SCAMP5: variants seen among roughly 807,000 people sequenced by gnomAD.
SCAMP5 encodes secretory carrier membrane protein 5.
SCAMP5 carries 7 observed loss-of-function variants against 28.3 expected under a neutral mutation model. That is an observed-to-expected ratio of 0.25 (90% CI 0.14 to 0.46). The LOEUF (loss-of-function observed/expected upper bound fraction) is 0.46, where lower values mean the gene tolerates loss of function less well. Ranked by LOEUF, SCAMP5 falls within the 20% of genes least tolerant of loss-of-function variation. The probability of loss-of-function intolerance (pLI) is 0.99; values close to 1 mark genes in which losing one functional copy is unlikely to be tolerated. For synonymous variants in SCAMP5, 117 were observed against 116.4 expected (o/e 1.00, Z -0.03); for missense variants, 192 against 312.5 (o/e 0.61, Z 2.91).
Position 75,016,691 on chromosome 15 carries a change from A to G in SCAMP5, c.235A>G (p.Ile79Val). 1 of 1,613,798 alleles carries G rather than the reference A, an allele frequency of 6.2e-7. No homozygotes were observed. Among genetic ancestry groups the G allele is most frequent in the Non-Finnish European group, 8.5e-7 (1 of 1,179,858 alleles). ...CTTTGGCCTCGCCTTTCTCTGGCTC[A>G]TCCTCTTCACACCCTGCTCCTACGT... ...TNFGLAFLWLILFTPCSYVCW... is the reference protein window; with the variant it reads ...TNFGLAFLWLVLFTPCSYVCW... The change falls in exon 4 of 7, where the codon ATC (isoleucine) becomes GTC (valine). Residue 79 changes from isoleucine to valine, a missense_variant. Ile to Val is a conservative substitution (Grantham distance 29, BLOSUM62 3). Coordinates refer to ENST00000425597, the MANE Select transcript of SCAMP5 (RefSeq NM_138967.4).
chr15:75,016,366 C>T (rs2065859615), intron 3 of SCAMP5, among the ~76,000 whole-genome samples: 1 of 152,066 alleles, frequency 6.6e-6, no homozygotes, highest in African/African-American at 2.4e-5. Context: ...ATGTGTGTCT[C>T]CTGTGTCTCT....
chr15:75,005,175 CAA>C (rs34793996), intron 1 of SCAMP5, among the ~76,000 whole-genome samples: 1 of 141,932 alleles, frequency 7.0e-6, no homozygotes. Context: ...GCTCTTGTCT[CAA>C]AAAAAAAAAA....
chr15:75,000,434 G>T (rs1322843896), intron 1 of SCAMP5, among the ~76,000 whole-genome samples: 3 of 151,950 alleles, frequency 2.0e-5, no homozygotes, highest in Non-Finnish European at 2.9e-5. Context: ...CCCCAGGCTG[G>T]AGTGCAGTGG....
At chr15:75,003,041 C>T (rs1010044968) in intron 1 of SCAMP5, among the ~76,000 whole-genome samples, 1 of 152,194 alleles carries the variant, frequency 6.6e-6, no homozygotes, top group African/African-American at 2.4e-5. Flanking sequence ...AGCGATTCTC[C>T]TGCCTCAGCC....
chr15:75,005,063 T>C (rs1007677457), intron 1 of SCAMP5, among the ~76,000 whole-genome samples: 10 of 151,996 alleles, frequency 6.6e-5, no homozygotes, highest in African/African-American at 2.4e-4. Flanking sequence ...TAGTCCCAGC[T>C]ACTTGGGAGG....
At position 75,018,907 on chromosome 15, in the gene SCAMP5, C is replaced by A; in HGVS notation, c.632C>A (p.Ala211Glu). 6.3e-7 allele frequency: 1 copy of A among 1,582,456 alleles called. No individual in the cohort carries two copies. Among genetic ancestry groups the A allele is most frequent in the Non-Finnish European group, 8.5e-7 (1 of 1,171,260 alleles). ...QQAAQNAAMG[A>E]AQGAMNQPQT... The stretch of plus-strand genomic sequence containing the variant: ...GCAGCCCAGAACGCAGCCATGGGGG[C>A]AGCCCAGGGTGCCATGAATCAGCCT... Residue 211 changes from alanine (A) to glutamate (E), a missense_variant, in exon 7 of 7, where the codon GCA becomes GAA. Ala to Glu is a moderately radical substitution (Grantham distance 107, BLOSUM62 -1). Transcript: ENST00000425597. The surrounding 1 kb of genome is among the most constrained non-coding windows in gnomAD (Gnocchi z 5.6).
At chr15:75,000,201 CTAAT>C (rs1205521495) in intron 1 of SCAMP5, among the ~76,000 whole-genome samples, 1 of 151,932 alleles carries the variant, frequency 6.6e-6, no homozygotes, top group East Asian at 1.9e-4. Context: ...TATTAATTAA[CTAAT>C]TAGTTTAGAG....
chr15:75,015,189 T>G (rs965787894), intron 3 of SCAMP5, among the ~76,000 whole-genome samples: 1 of 152,170 alleles, frequency 6.6e-6, no homozygotes, highest in African/African-American at 2.4e-5. Context: ...GCTTAAGGGT[T>G]CTATTCAGAA....
intron 1 of SCAMP5, among the ~76,000 whole-genome samples, chr15:75,009,100 G>T (rs552408322): frequency 1.3e-5 from 2 of 152,024 alleles, no homozygotes; most frequent in East Asian, 3.9e-4. Context: ...TTGCATATCA[G>T]TACCCAGAGA....
intron 1 of SCAMP5, among the ~76,000 whole-genome samples, chr15:75,005,788 G>C (rs1034713716): frequency 6.6e-6 from 1 of 151,992 alleles, no homozygotes; most frequent in Non-Finnish European, 1.5e-5. Flanking sequence ...GCAGTGGCGC[G>C]ATCTCGTCTT....
chr15:75,014,144 C>A (rs2065839189), intron 3 of SCAMP5, among the ~76,000 whole-genome samples: 1 of 152,172 alleles, frequency 6.6e-6, no homozygotes, highest in African/African-American at 2.4e-5. Context: ...CACTTAGCTG[C>A]CTACCTGGGC....
intron 1 of SCAMP5, among the ~76,000 whole-genome samples, chr15:75,008,780 G>T (rs1475039055): frequency 6.6e-6 from 1 of 152,160 alleles, no homozygotes; most frequent in East Asian, 1.9e-4. Flanking sequence ...GGGATTACAG[G>T]TGTGAGTCAC....
rs1300146215 is a variant in SCAMP5 at position 75,015,857 on chromosome 15, T to TTCAACAGGACTTGAACA, written c.137-736_137-735insTCAACAGGACTTGAACA. Among the ~76,000 whole-genome samples the TTCAACAGGACTTGAACA allele has an allele frequency of 7.4e-5, 10 of 134,830 alleles. No individual in the cohort carries two copies. The Admixed American group carries it at 9.1e-4, about 12-fold the overall frequency. The allele number at this position is 134,830 out of a possible 152,430, so 88.5% of individuals were successfully genotyped here. ...AGGAGAATCGCTTGAACCTGAGAAGTGGAGGTTGCAGTGAGCTGAGATCGC... is the reference window on the plus strand; with the variant it reads ...AGGAGAATCGCTTGAACCTGAGAAGTTCAACAGGACTTGAACAGGAGGTTGCAGTGAGCTGAGATCGC... On this transcript the variant is annotated intron_variant, in intron 3 of 6. Transcript: ENST00000425597.
rs925829013 is a variant in SCAMP5 at position 75,003,908 on chromosome 15, CT to C, written c.-48-7871del. ...ACATTTGCTTTATCTTTTATTTTTACTTTTTTTTTTTTTGAGATGGAGTTTC... is the reference window on the plus strand; with the variant it reads ...ACATTTGCTTTATCTTTTATTTTTACTTTTTTTTTTTTGAGATGGAGTTTC... On this transcript the variant is annotated intron_variant, in intron 1 of 6. Transcript: ENST00000425597. Among the ~76,000 whole-genome samples, 1,008 of 145,582 alleles carry C rather than the reference CT, an allele frequency of 6.9e-3. 5 individuals carry two copies. Among genetic ancestry groups the C allele is most frequent in the African/African-American group, 0.02 (796 of 40,110 alleles).
At chr15:75,005,595 T>C (rs2065749684) in intron 1 of SCAMP5, among the ~76,000 whole-genome samples, 1 of 152,244 alleles carries the variant, frequency 6.6e-6, no homozygotes, top group South Asian at 2.1e-4. Context: ...TCGTAGAATT[T>C]CCCACAATCT....
intron 1 of SCAMP5, among the ~76,000 whole-genome samples, chr15:75,011,108 G>C (rs58954461): frequency 3.9e-5 from 6 of 152,000 alleles, no homozygotes; most frequent in African/African-American, 1.5e-4. Flanking sequence ...AGGAGGCTGC[G>C]CTTGGAGGAT....
chr15:75,013,988 G>A (rs1037982945), intron 3 of SCAMP5, among the ~76,000 whole-genome samples: 4 of 151,888 alleles, frequency 2.6e-5, no homozygotes, highest in Non-Finnish European at 5.9e-5. Flanking sequence ...GCTGTGCTGA[G>A]GCTAGTTAGA....
chr15:75,000,536 C>G (rs1388117406), intron 1 of SCAMP5, among the ~76,000 whole-genome samples: 4 of 152,088 alleles, frequency 2.6e-5, no homozygotes, highest in African/African-American at 9.7e-5. Context: ...GGGCCCGCCA[C>G]CAAGCCTGGC....
intron 1 of SCAMP5, among the ~76,000 whole-genome samples, chr15:75,008,256 A>G (rs2065779194): frequency 1.3e-5 from 2 of 152,088 alleles, no homozygotes; most frequent in Admixed American, 1.3e-4. Flanking sequence ...ATAAGTATAT[A>G]AAGAATGGAA....
Sources: allele counts gnomAD v4.1 joint callset (sites outside exome capture counted in the v4.1 genomes callset), GRCh38; gene constraint gnomAD v4.1.1; non-coding constraint Gnocchi (gnomAD v3.1); transcripts MANE v1.5; gene names NCBI Gene and HGNC (gene_info 2026-07-23, HGNC 2026-07-21).